Variants in MTDH observed in about 807,000 individuals in gnomAD.
MTDH encodes protein LYRIC.
A neutral mutation model predicts 72.7 loss-of-function variants in MTDH; 34 were observed. The observed-to-expected ratio is 0.47, with a 90% confidence interval of 0.36 to 0.62. MTDH has a LOEUF of 0.62. MTDH is among the 20% of genes least tolerant of loss of function. MTDH has a pLI of 0.00. For synonymous variants in MTDH, 266 were observed against 268.9 expected (o/e 0.99, Z 0.10); for missense variants, 677 against 699.4 (o/e 0.97, Z 0.36).
chr8:97,665,997 A>G (rs1812368151), intron 2 of MTDH, among the ~76,000 whole-genome samples: 1 of 152,080 alleles, frequency 6.6e-6, no homozygotes. Context: ...GCATGGTGGC[A>G]GGCGCCTGTA....
rs972263012 is a variant in MTDH at position 97,644,370 on chromosome 8, C to T, written c.-137C>T. ...CCCCGCGGTGGCAGCGGCCGATCCC[C>T]GGCTCCGGCGCGAGGGACGGCCGCG... On this transcript the variant is annotated 5_prime_UTR_variant, in exon 1 of 12. Coordinates refer to ENST00000336273, the MANE Select transcript of MTDH (RefSeq NM_178812.4). The T allele has an allele frequency of 1.1e-5, 14 of 1,236,538 alleles. No homozygotes were observed. Among genetic ancestry groups the T allele is most frequent in the Non-Finnish European group, 1.5e-5 (14 of 932,286 alleles). The allele number at this position is 1,236,538 out of a possible 1,614,324, so 76.6% of individuals were successfully genotyped here.
intron 8 of MTDH, among the ~76,000 whole-genome samples, chr8:97,708,788 C>T (rs916399641): frequency 6.7e-5 from 10 of 150,102 alleles, no homozygotes; most frequent in Non-Finnish European, 1.3e-4. Flanking sequence ...TTAGTACAGA[C>T]GAGTTTTTGC....
At chr8:97,719,223 A>C in intron 10 of MTDH, 34 bp downstream of exon 10, 1 of 1,603,524 alleles carries the variant, frequency 6.2e-7, no homozygotes, top group Non-Finnish European at 8.5e-7. Context: ...TGCCGGGCGC[A>C]GTGGCTTACG....
chr8:97,719,225 T>TG, intron 10 of MTDH, 36 bp downstream of exon 10: 1 of 1,603,818 alleles, frequency 6.2e-7, no homozygotes. Flanking sequence ...CCGGGCGCAG[T>TG]GGCTTACGCC....
intron 1 of MTDH, among the ~76,000 whole-genome samples, chr8:97,652,781 T>C (rs1811823818): frequency 6.6e-6 from 1 of 152,216 alleles, no homozygotes; most frequent in Non-Finnish European, 1.5e-5. Context: ...GTTATATCAC[T>C]TGCCACCTAT....
chr8:97,658,596 A>C (rs1223921128), intron 1 of MTDH, among the ~76,000 whole-genome samples: 3 of 152,176 alleles, frequency 2.0e-5, no homozygotes, highest in Non-Finnish European at 4.4e-5. Context: ...AAATGAGTAA[A>C]ATGAAGGTGG....
At chr8:97,657,834 AT>A (rs1812037802) in intron 1 of MTDH, among the ~76,000 whole-genome samples, 1 of 152,144 alleles carries the variant, frequency 6.6e-6, no homozygotes, top group South Asian at 2.1e-4. Flanking sequence ...TAAAACCCAT[AT>A]TGACAATCAC....
At chr8:97,716,232 C>G (rs1415072605) in intron 9 of MTDH, among the ~76,000 whole-genome samples, 1 of 151,878 alleles carries the variant, frequency 6.6e-6, no homozygotes, top group Non-Finnish European at 1.5e-5. Context: ...ACTAAAAATA[C>G]AGCATTAACC....
At chr8:97,652,900 C>T (rs1811829411) in intron 1 of MTDH, among the ~76,000 whole-genome samples, 2 of 151,994 alleles carry the variant, frequency 1.3e-5, no homozygotes, top group African/African-American at 2.4e-5. Context: ...TCGGGCGGAC[C>T]ACCAGGTCAG....
intron 5 of MTDH, among the ~76,000 whole-genome samples, chr8:97,690,738 T>C (rs1024858329): frequency 2.0e-5 from 3 of 152,230 alleles, no homozygotes; most frequent in Admixed American, 2.0e-4. Flanking sequence ...CTGTTGTACT[T>C]TCTTTGAGCA....
intron 2 of MTDH, among the ~76,000 whole-genome samples, chr8:97,685,097 T>C (rs940419707): frequency 6.6e-6 from 1 of 152,104 alleles, no homozygotes; most frequent in Non-Finnish European, 1.5e-5. Context: ...ATTTTGATAG[T>C]TGTGCAACTT....
intron 2 of MTDH, among the ~76,000 whole-genome samples, chr8:97,665,466 T>G (rs1348534999): frequency 1.3e-5 from 2 of 152,154 alleles, no homozygotes; most frequent in Admixed American, 6.6e-5. Flanking sequence ...ACCCTCAGAT[T>G]ACAGGCTAGT....
At chr8:97,661,289 G>GA in intron 2 of MTDH, 116 bp downstream of exon 2, 1 of 708,540 alleles carries the variant, frequency 1.4e-6, no homozygotes. Flanking sequence ...ACAAAACTCA[G>GA]AAAATCTGAA....
At chr8:97,664,895 G>A (rs566037804) in intron 2 of MTDH, among the ~76,000 whole-genome samples, 2 of 152,126 alleles carry the variant, frequency 1.3e-5, no homozygotes, top group Admixed American at 6.6e-5. Context: ...TGAACCACTG[G>A]GATTATAGGC....
chr8:97,656,172 C>G (rs192222455), intron 1 of MTDH, among the ~76,000 whole-genome samples: 128 of 152,018 alleles, frequency 8.4e-4, no homozygotes, highest in Middle Eastern at 6.9e-3. Context: ...AAGTAGGGTT[C>G]TATGTGATTT....
intron 7 of MTDH, among the ~76,000 whole-genome samples, chr8:97,703,470 A>C (rs916075551): frequency 3.9e-5 from 6 of 152,238 alleles, no homozygotes; most frequent in African/African-American, 1.4e-4. Context: ...TCAATTGCCT[A>C]AACTTTCTTC....
intron 6 of MTDH, chr8:97,696,401 G>A (rs1319729784): frequency 6.8e-6 from 3 of 438,600 alleles, no homozygotes; most frequent in East Asian, 3.2e-4. Flanking sequence ...AATATAAATA[G>A]CAGGTATTAT....
At chr8:97,703,442 TG>T (rs1308828021) in intron 7 of MTDH, among the ~76,000 whole-genome samples, 2 of 152,222 alleles carry the variant, frequency 1.3e-5, no homozygotes, top group African/African-American at 4.8e-5. Flanking sequence ...ATGGGTGACA[TG>T]TTGGTATATT....
rs901914275 is a variant in MTDH, at chr8:97,652,419, T to G, written c.381+7532T>G. Among the ~76,000 whole-genome samples, 228 of 152,232 alleles carry G rather than the reference T, an allele frequency of 1.5e-3. 3 individuals are homozygous for G. The highest frequency in any genetic ancestry group is 8.8e-5 in the Non-Finnish European group (6 of 68,030). On this transcript the variant is annotated intron_variant, in intron 1 of 11. Transcript: ENST00000336273. ...TAAAAGTCACCTTCCCCGAAAATCC[T>G]TTCCTGATCACCCTATGTGAAATAG...
Sources: allele counts gnomAD v4.1 joint callset (sites outside exome capture counted in the v4.1 genomes callset), GRCh38; gene constraint gnomAD v4.1.1; transcripts MANE v1.5; gene names NCBI Gene and HGNC (gene_info 2026-07-23, HGNC 2026-07-21).